The following AK4 variants were observed in gnomAD, a reference collection of about 807,000 sequenced individuals.
AK4 encodes the protein adenylate kinase 4, also known as adenylate kinase 4, mitochondrial.
AK4 carries 13 observed loss-of-function variants against 24.6 expected under a neutral mutation model. The observed-to-expected ratio is 0.53, with a 90% CI of 0.34 to 0.84. The LOEUF is 0.84. Among genes scored for constraint, AK4 ranks in the 40% least tolerant of loss-of-function variants. AK4 has a pLI of 0.01. For missense variants in AK4, 192 were observed against 288.2 expected (o/e 0.67, Z 2.42); for synonymous variants, 88 against 107.0 (o/e 0.82, Z 1.10).
At chr1:65,170,863 C>CA (rs1395649192) in intron 1 of AK4, among the ~76,000 whole-genome samples, 1 of 151,946 alleles carries the variant, frequency 6.6e-6, no homozygotes, top group Non-Finnish European at 1.5e-5. Flanking sequence ...TTACGCAAGG[C>CA]AAAGCAGCCC....
intron 1 of AK4, among the ~76,000 whole-genome samples, chr1:65,178,548 A>C (rs1305094675): frequency 6.6e-6 from 1 of 152,212 alleles, no homozygotes; most frequent in Non-Finnish European, 1.5e-5. Flanking sequence ...ATGTGCTGGT[A>C]GATTACAGAA....
At chr1:65,148,894 T>C (rs6701727) in intron 1 of AK4, 26,126 of 183,478 alleles carry the variant, frequency 0.14, 5,189 homozygotes, top group African/African-American at 0.47. Context: ...GGCAGAGCCG[T>C]CCCCGTACCC....
intron 1 of AK4, among the ~76,000 whole-genome samples, chr1:65,178,719 G>A (rs570170292): frequency 2.4e-4 from 36 of 152,264 alleles, no homozygotes; most frequent in African/African-American, 8.4e-4. Flanking sequence ...AGGTCAGATT[G>A]GGGTGTCCAC....
intron 1 of AK4, among the ~76,000 whole-genome samples, chr1:65,154,963 G>A (rs561539188): frequency 6.6e-6 from 1 of 151,454 alleles, no homozygotes; most frequent in Non-Finnish European, 1.5e-5. Context: ...CAATTCTCCT[G>A]ACTCAGCTTC....
chr1:65,183,716 T>C (rs984362347), intron 1 of AK4, among the ~76,000 whole-genome samples: 49 of 151,844 alleles, frequency 3.2e-4, no homozygotes, highest in African/African-American at 1.2e-3. Context: ...TGTGTTCTCA[T>C]GGTTTTTCTA....
At chr1:65,203,347 T>C (rs1381138609) in intron 2 of AK4, among the ~76,000 whole-genome samples, 2 of 152,194 alleles carry the variant, frequency 1.3e-5, no homozygotes, top group Non-Finnish European at 2.9e-5. Flanking sequence ...TTTATTATAA[T>C]TGATTTTAAG....
intron 1 of AK4, chr1:65,154,441 A>G (rs1255754575): frequency 1.7e-5 from 8 of 481,130 alleles, no homozygotes; most frequent in South Asian, 1.2e-4. Context: ...TGCATGGGCT[A>G]GCTCCTTCCT....
intron 3 of AK4, 144 bp downstream of exon 3, chr1:65,219,070 T>A: frequency 1.9e-6 from 1 of 535,376 alleles, no homozygotes; most frequent in Non-Finnish European, 3.0e-6. Flanking sequence ...TGTTCAAATG[T>A]AGTTGTCAGG....
intron 1 of AK4, among the ~76,000 whole-genome samples, chr1:65,169,366 T>A (rs1300914965): frequency 6.6e-6 from 1 of 152,154 alleles, no homozygotes; most frequent in East Asian, 1.9e-4. Flanking sequence ...TTATGCCAAA[T>A]GACTTAGTGA....
At chr1:65,186,244 T>A (rs1651097671) in intron 1 of AK4, among the ~76,000 whole-genome samples, 1 of 152,134 alleles carries the variant, frequency 6.6e-6, no homozygotes. Context: ...CAAACTATTC[T>A]TGTGCCTTAG....
rs144853413 is a variant in AK4, at chr1:65,193,883, G to A, written c.265+3054G>A. Among the ~76,000 whole-genome samples the A allele has an allele frequency of 2.0e-3, 305 of 152,370 alleles. 2 individuals are homozygous for A. The highest frequency in any genetic ancestry group is 0.016 in the Admixed American group (241 of 15,292). On this transcript the variant is annotated intron_variant, in intron 2 of 4. Transcript: ENST00000327299. Reference sequence around the variant, plus strand: ...ACACTTTGGGAAGCTGAGGTGGGCAGATCACTTGAGGCCAGGAGACCAGCG... The same window carrying A: ...ACACTTTGGGAAGCTGAGGTGGGCAAATCACTTGAGGCCAGGAGACCAGCG...
chr1:65,156,663 C>G (rs902198766), intron 1 of AK4, among the ~76,000 whole-genome samples: 2 of 151,908 alleles, frequency 1.3e-5, no homozygotes, highest in Admixed American at 6.6e-5. Flanking sequence ...GTGGCTCATG[C>G]CTGTAATCCC....
At chr1:65,189,674 CA>C (rs1557453925) in intron 1 of AK4, among the ~76,000 whole-genome samples, 93 of 140,916 alleles carry the variant, frequency 6.6e-4, no homozygotes, top group African/African-American at 2.0e-3. Context: ...CACACACACA[CA>C]CACCCCACAC....
chr1:65,207,300 T>G (rs2101066190), intron 2 of AK4, among the ~76,000 whole-genome samples: 1 of 152,250 alleles, frequency 6.6e-6, no homozygotes, highest in East Asian at 1.9e-4. Context: ...CACTGCATCC[T>G]CAGTCCCTTG....
chr1:65,194,090 C>CAAAAG (rs755825185), intron 2 of AK4, among the ~76,000 whole-genome samples: 56 of 152,136 alleles, frequency 3.7e-4, no homozygotes, highest in Non-Finnish European at 6.6e-4. Flanking sequence ...GACCCTGTTT[C>CAAAAG]AAAAGAAAAG....
chr1:65,182,136 G>A (rs939885372), intron 1 of AK4, among the ~76,000 whole-genome samples: 4 of 152,112 alleles, frequency 2.6e-5, no homozygotes, highest in African/African-American at 7.2e-5. Flanking sequence ...GCCCCAGTTG[G>A]TCTCAAACTC....
At chr1:65,212,471 A>G (rs776723438) in intron 2 of AK4, among the ~76,000 whole-genome samples, 14 of 151,802 alleles carry the variant, frequency 9.2e-5, no homozygotes, top group Non-Finnish European at 2.1e-4. Context: ...ACCCATGCTC[A>G]CCCACCCAAC....
intron 1 of AK4, among the ~76,000 whole-genome samples, chr1:65,168,944 G>T (rs1650421114): frequency 6.6e-6 from 1 of 152,188 alleles, no homozygotes. Flanking sequence ...GCAGGCTGAG[G>T]TGGGAGGACC....
At chr1:65,170,422 G>A (rs972918209) in intron 1 of AK4, among the ~76,000 whole-genome samples, 2 of 152,100 alleles carry the variant, frequency 1.3e-5, no homozygotes, top group Admixed American at 1.3e-4. Context: ...AGAGGATGTC[G>A]TTCTTTCTTG....
Sources: allele counts gnomAD v4.1 joint callset (sites outside exome capture counted in the v4.1 genomes callset), GRCh38; gene constraint gnomAD v4.1.1; transcripts MANE v1.5; gene names NCBI Gene and HGNC (gene_info 2026-07-23, HGNC 2026-07-21).